Variants in SNAP47 observed in about 807,000 individuals in gnomAD.
The protein encoded by SNAP47 is synaptosome associated protein 47.
SNAP47 carries 20 observed loss-of-function variants against 31.4 expected under a neutral mutation model. The observed-to-expected ratio is 0.64, with a 90% confidence interval of 0.45 to 0.93. The LOEUF is 0.93. Among genes scored for constraint, SNAP47 ranks in the 40% least tolerant of loss-of-function variants. The pLI, the probability that SNAP47 is intolerant of heterozygous loss-of-function variation, is 0.00. For synonymous variants in SNAP47, 194 were observed against 213.4 expected, an observed-to-expected ratio of 0.91 and a Z score of 0.79; for missense variants, 492 against 528.5, an observed-to-expected ratio of 0.93 and a Z score of 0.68.
At chr1:227,777,958 G>T (rs762380330) in intron 4 of SNAP47, among the ~76,000 whole-genome samples, 3 of 152,232 alleles carry the variant, frequency 2.0e-5, no homozygotes, top group Non-Finnish European at 4.4e-5. Context: ...GATAAAATGT[G>T]CCACGTTCTT....
At chr1:227,752,732 A>C (rs1662456026) in intron 2 of SNAP47, among the ~76,000 whole-genome samples, 1 of 152,212 alleles carries the variant, frequency 6.6e-6, no homozygotes, top group Non-Finnish European at 1.5e-5. Context: ...TGGGTGGTAG[A>C]CTTGTTTTCA....
intron 3 of SNAP47, 59 bp from the exon 4 acceptor site, chr1:227,766,900 A>T: frequency 6.2e-7 from 1 of 1,603,494 alleles, no homozygotes; most frequent in Non-Finnish European, 8.5e-7. Flanking sequence ...CATCCAGAGC[A>T]CACGAGGGTT....
At chr1:227,735,361 G>A (rs774001001), upstream of SNAP47, 4 of 1,592,914 alleles carry the variant, frequency 2.5e-6, no homozygotes, top group South Asian at 3.3e-5. Flanking sequence ...GAAGACGCAG[G>A]GCGCCGCGTT....
At chr1:227,730,304 C>T (rs191029543), upstream of SNAP47, 6 of 152,248 alleles carry the variant, frequency 3.9e-5, no homozygotes, top group Non-Finnish European at 7.3e-5. Flanking sequence ...TCCCCAACCC[C>T]GGACAGGATC....
At chr1:227,777,881 C>T (rs1365570320) in intron 4 of SNAP47, among the ~76,000 whole-genome samples, 1 of 152,190 alleles carries the variant, frequency 6.6e-6, no homozygotes, top group Non-Finnish European at 1.5e-5. Flanking sequence ...GGTCATGCCC[C>T]ACAGCATCTC....
In SNAP47 at chr1:227,759,535, A is replaced by G. The variant is rs767971272; in HGVS notation, c.988+50A>G. 4.7e-5 allele frequency: 75 copies of G among 1,582,106 alleles called. No individual in the cohort carries two copies. The South Asian group carries it at 8.8e-4, about 19-fold the overall frequency. On this transcript the variant is annotated intron_variant, in intron 3 of 4. Coordinates refer to ENST00000617596, the MANE Select transcript of SNAP47 (RefSeq NM_053052.4). ...CGCGTGCACAGACTTCTAAAATTAC[A>G]GGCAGACTCAGCACGCCTGTGGGAA...
rs1429807670 is a variant in SNAP47, at chr1:227,747,819, C to G, written c.83C>G (p.Ser28Cys). ...AGGCGATGGGTTACTGGACAGCTGTCCTTAACATCGCTGTCGCTCAGGTTC... is the reference window on the plus strand; with the variant it reads ...AGGCGATGGGTTACTGGACAGCTGTGCTTAACATCGCTGTCGCTCAGGTTC... ...PKRRWVTGQL[S>C]LTSLSLRFMT... The change falls in exon 2 of 5, where the codon TCC (serine) becomes TGC (cysteine). Residue 28 changes from serine (S) to cysteine (C), a missense_variant. Coordinates refer to ENST00000617596, the MANE Select transcript of SNAP47 (RefSeq NM_053052.4). 2 of 1,614,160 alleles carry G rather than the reference C, an allele frequency of 1.2e-6. No homozygotes were observed. Among genetic ancestry groups the G allele is most frequent in the Non-Finnish European group, 1.7e-6 (2 of 1,180,018 alleles).
At chr1:227,771,693 G>A (rs1323182872) in intron 4 of SNAP47, among the ~76,000 whole-genome samples, 1 of 131,242 alleles carries the variant, frequency 7.6e-6, no homozygotes, top group Non-Finnish European at 1.6e-5. Flanking sequence ...GCTTTTGCGG[G>A]TGAGCCACTC....
intron 1 of SNAP47, among the ~76,000 whole-genome samples, chr1:227,736,686 G>GTTTTTTTTTTTT (rs112159513): frequency 2.7e-5 from 3 of 110,918 alleles, no homozygotes; most frequent in Non-Finnish European, 3.7e-5. Context: ...TTTTGTTTTT[G>GTTTTTTTTTTTT]TTTTTTTTTT....
At chr1:227,737,384 G>T (rs1661291016) in intron 1 of SNAP47, among the ~76,000 whole-genome samples, 1 of 152,226 alleles carries the variant, frequency 6.6e-6, no homozygotes, top group African/African-American at 2.4e-5. Flanking sequence ...GAGGCAGCTT[G>T]TGCTGGTTTG....
intron 1 of SNAP47, among the ~76,000 whole-genome samples, chr1:227,735,912 G>A (rs1661112002): frequency 6.7e-6 from 1 of 150,272 alleles, no homozygotes; most frequent in Admixed American, 6.6e-5. Context: ...TGGAGAGGAC[G>A]GTGGGATCTG....
upstream of SNAP47, chr1:227,734,856 C>G: frequency 1.2e-6 from 2 of 1,610,848 alleles, no homozygotes; most frequent in Non-Finnish European, 1.7e-6. Context: ...TCCCTGGGCC[C>G]CGTCCTCACT....
intron 1 of SNAP47, among the ~76,000 whole-genome samples, chr1:227,737,355 A>G (rs969641135): frequency 6.6e-5 from 10 of 152,188 alleles, no homozygotes; most frequent in African/African-American, 2.2e-4. Flanking sequence ...AGAACCGCTC[A>G]TCTCTCCCAG....
upstream of SNAP47, chr1:227,732,599 G>A: frequency 1.2e-6 from 2 of 1,613,508 alleles, no homozygotes; most frequent in Non-Finnish European, 1.7e-6. Flanking sequence ...TCAGGACCAG[G>A]AGCCTCTTCT....
intron 4 of SNAP47, among the ~76,000 whole-genome samples, chr1:227,778,845 T>C (rs745320961): frequency 3.9e-5 from 6 of 152,160 alleles, no homozygotes; most frequent in Non-Finnish European, 7.4e-5. Flanking sequence ...AAGTCATGAC[T>C]CAACAGATGG....
upstream of SNAP47, chr1:227,732,984 T>A: frequency 1.2e-6 from 2 of 1,613,446 alleles, no homozygotes; most frequent in East Asian, 4.5e-5. Context: ...GTTGGCCAGG[T>A]TGAAGCCATT....
intron 4 of SNAP47, among the ~76,000 whole-genome samples, chr1:227,772,677 G>A (rs1275032803): frequency 6.6e-6 from 1 of 152,116 alleles, no homozygotes; most frequent in African/African-American, 2.4e-5. Context: ...GTTTTCTTAG[G>A]AGTTCTGTGG....
Position 227,747,825 on chromosome 1 carries a change from C to T in SNAP47, c.89C>T (p.Thr30Ile), listed in dbSNP as rs200475270. ...TGGGTTACTGGACAGCTGTCCTTAA[C>T]ATCGCTGTCGCTCAGGTTCATGACT... Reference protein sequence around the residue: ...RRWVTGQLSLTSLSLRFMTDS... With the variant: ...RRWVTGQLSLISLSLRFMTDS... Residue 30 changes from threonine (T) to isoleucine (I), a missense_variant, in exon 2 of 5, where the codon ACA becomes ATA. Coordinates refer to ENST00000617596, the MANE Select transcript of SNAP47 (RefSeq NM_053052.4). The T allele has an allele frequency of 2.5e-6, 4 of 1,614,196 alleles. No individual in the cohort carries two copies. The highest frequency in any genetic ancestry group is 2.2e-5 in the East Asian group (1 of 44,880).
In SNAP47 at chr1:227,748,201, C is replaced by A; in HGVS notation, c.465C>A (p.Asp155Glu). 1.2e-6 allele frequency: 2 copies of A among 1,602,410 alleles called. No individual in the cohort carries two copies. Among genetic ancestry groups the A allele is most frequent in the Non-Finnish European group, 1.7e-6 (2 of 1,174,302 alleles). ...TGGACAGCGTCATGAGAGGCCTGGA[C>A]AAGATGGAGTCAGACCTGGAGGTGG... ...QQLDSVMRGL[D>E]KMESDLEVAD... The change falls in exon 2 of 5, where the codon GAC becomes GAA. Residue 155 changes from aspartate to glutamate, a missense_variant. Coordinates refer to ENST00000617596, the MANE Select transcript of SNAP47 (RefSeq NM_053052.4).
Sources: gnomAD v4.1 joint callset for allele counts (sites outside exome capture counted in the v4.1 genomes callset) on GRCh38, gnomAD v4.1.1 for gene constraint, MANE v1.5 for transcripts, NCBI Gene and HGNC (gene_info 2026-07-23, HGNC 2026-07-21) for gene names.